The following DNAH3 variants were observed in gnomAD, a reference collection of about 807,000 sequenced individuals.
DNAH3 encodes dynein axonemal heavy chain 3, also known as axonemal beta dynein heavy chain 3.
DNAH3 carries 332 observed loss-of-function variants against 432.5 expected under a neutral mutation model. The ratio of observed to expected loss-of-function variants is 0.77; its 90% CI spans 0.70 to 0.84. DNAH3 has a LOEUF of 0.84. Among genes scored for constraint, DNAH3 ranks in the 40% least tolerant of loss-of-function variants. The probability of loss-of-function intolerance (pLI) is 0.00; values close to 1 mark genes in which losing one functional copy is unlikely to be tolerated. For synonymous variants in DNAH3, 1,956 were observed against 1,900.2 expected (o/e 1.03, Z -0.76); for missense variants, 4,861 against 5,114.0 (o/e 0.95, Z 1.51).
In DNAH3 at chr16:20,984,165, G is replaced by A. The variant is rs1039211818; in HGVS notation, c.7665+912C>T. 4.0e-5 allele frequency among the ~76,000 whole-genome samples: 6 copies of A among 150,768 alleles called. No homozygotes were observed. The South Asian group carries it at 1.3e-3, about 32-fold the overall frequency. ...GTAATTTTGGTCCTTATCCCAATGT[G>A]TGTGTGTGTGTGTGTATATGTGTGC... is the stretch of plus-strand genomic sequence containing the variant. On this transcript the variant is annotated intron_variant, in intron 48 of 61. Transcript: ENST00000261383.
At chr16:21,026,899 G>T (rs2088592829) in intron 38 of DNAH3, 128 bp downstream of exon 38, 1 of 641,802 alleles carries the variant, frequency 1.6e-6, no homozygotes, top group Non-Finnish European at 2.7e-6. Context: ...AAATTGGAAA[G>T]AAAAATAATA....
At chr16:21,110,208 C>T (rs1259249540) in intron 14 of DNAH3, among the ~76,000 whole-genome samples, 1 of 152,198 alleles carries the variant, frequency 6.6e-6, no homozygotes, top group Non-Finnish European at 1.5e-5. Flanking sequence ...GTAACAACAC[C>T]TATGTATTAT....
chr16:20,940,883 C>A (rs2083780142), intron 59 of DNAH3, among the ~76,000 whole-genome samples: 1 of 152,084 alleles, frequency 6.6e-6, no homozygotes, highest in Non-Finnish European at 1.5e-5. Context: ...TGCTTGAGGC[C>A]AGGAGTTCAA....
intron 52 of DNAH3, among the ~76,000 whole-genome samples, chr16:20,969,086 CTGTGTGTGTGTGTG>C (rs56928155): frequency 8.9e-5 from 13 of 146,464 alleles, no homozygotes; most frequent in South Asian, 8.8e-4. Flanking sequence ...TTTTCTTTCT[CTGTGTGTGTGTGTG>C]TGTGTGTGTG....
intron 37 of DNAH3, among the ~76,000 whole-genome samples, chr16:21,028,609 G>A (rs552146411): frequency 6.6e-6 from 1 of 150,858 alleles, no homozygotes; most frequent in East Asian, 1.9e-4. Flanking sequence ...AGCTGAGATC[G>A]TGCCACTGCA....
chr16:21,145,467 T>A, intron 2 of DNAH3, 61 bp from the exon 4 acceptor site: 1 of 1,441,942 alleles, frequency 6.9e-7, no homozygotes, highest in Non-Finnish European at 9.7e-7. Flanking sequence ...GAGCCTGAGC[T>A]CTGCTCACAC....
intron 41 of DNAH3, among the ~76,000 whole-genome samples, chr16:21,014,552 G>A (rs2087768992): frequency 6.6e-6 from 1 of 152,150 alleles, no homozygotes; most frequent in Non-Finnish European, 1.5e-5. Flanking sequence ...AGCAAGATAA[G>A]GAAGCCCTTT....
intron 44 of DNAH3, among the ~76,000 whole-genome samples, chr16:20,994,952 T>A (rs1486790585): frequency 6.6e-6 from 1 of 151,954 alleles, no homozygotes; most frequent in Non-Finnish European, 1.5e-5. Context: ...TTTTCTTCTC[T>A]TTTTTTTAGA....
chr16:21,009,071 C>G (rs1399405922), intron 41 of DNAH3, among the ~76,000 whole-genome samples: 2 of 152,108 alleles, frequency 1.3e-5, no homozygotes, highest in African/African-American at 4.8e-5. Context: ...GTCAGAAATC[C>G]CATTTCTGGG....
At chr16:21,117,481 C>A in intron 11 of DNAH3, 142 bp from the exon 12 acceptor site, 1 of 652,548 alleles carries the variant, frequency 1.5e-6, no homozygotes, top group Admixed American at 3.1e-5. Flanking sequence ...GTGCTGGAAT[C>A]ACCCTGCTGT....
At chr16:20,948,195 A>G (rs1349875226) in intron 57 of DNAH3, among the ~76,000 whole-genome samples, 2 of 151,796 alleles carry the variant, frequency 1.3e-5, no homozygotes, top group Admixed American at 1.3e-4. Context: ...AGCAATTTCC[A>G]TCTTGCTCAC....
At chr16:20,998,741 CAAAAAAAAAAA>C (rs57836728) in intron 43 of DNAH3, among the ~76,000 whole-genome samples, 1 of 78,248 alleles carries the variant, frequency 1.3e-5, no homozygotes, top group Middle Eastern at 8.6e-3. Flanking sequence ...GACTCCGTCT[CAAAAAAAAAAA>C]AAAAAAAAAA....
intron 33 of DNAH3, among the ~76,000 whole-genome samples, chr16:21,038,805 T>C: frequency 6.6e-6 from 1 of 152,190 alleles, no homozygotes. Context: ...GCAATCCTGG[T>C]TACTATAGAA....
rs1363193950 is a variant in DNAH3 at position 21,060,368 on chromosome 16, G to C, written c.3721-12C>G. 1 of 1,609,714 alleles carries C rather than the reference G, an allele frequency of 6.2e-7. No individual in the cohort carries two copies. Among genetic ancestry groups the C allele is most frequent in the African/African-American group, 1.3e-5 (1 of 74,924 alleles). ...TTTTCCACCATGCCCTATGGAGCAA[G>C]ACAGAGAGAGGGTGCAGCAGTCAAC... On this transcript the variant is annotated splice_polypyrimidine_tract_variant and intron_variant, in intron 25 of 61. Transcript: ENST00000261383.
At chr16:21,101,894 T>A (rs992846470) in intron 16 of DNAH3, among the ~76,000 whole-genome samples, 2 of 152,206 alleles carry the variant, frequency 1.3e-5, no homozygotes, top group Non-Finnish European at 2.9e-5. Flanking sequence ...AGATTGGGCA[T>A]CACCTTCCAG....
intron 1 of DNAH3, among the ~76,000 whole-genome samples, chr16:21,153,163 C>G (rs1040877270): frequency 6.6e-6 from 1 of 152,164 alleles, no homozygotes; most frequent in Non-Finnish European, 1.5e-5. Context: ...ATGCACCAAT[C>G]GACACTCTGT....
intron 31 of DNAH3, among the ~76,000 whole-genome samples, chr16:21,048,127 T>G (rs1405701004): frequency 6.6e-6 from 1 of 152,222 alleles, no homozygotes; most frequent in Non-Finnish European, 1.5e-5. Context: ...TGCTGTCTTT[T>G]TGTTTGTCTG....
intron 1 of DNAH3, among the ~76,000 whole-genome samples, chr16:21,157,072 G>A (rs1384640856): frequency 6.6e-6 from 1 of 151,808 alleles, no homozygotes; most frequent in Admixed American, 6.6e-5. Flanking sequence ...TGAACAAAGT[G>A]CATGACGCCA....
At chr16:21,109,505 C>T (rs2092021396) in intron 14 of DNAH3, among the ~76,000 whole-genome samples, 1 of 152,102 alleles carries the variant, frequency 6.6e-6, no homozygotes, top group African/African-American at 2.4e-5. Context: ...TTTTGTAAAA[C>T]TTATAGTACT....
Sources: gnomAD v4.1 joint callset for allele counts (sites outside exome capture counted in the v4.1 genomes callset) on GRCh38, gnomAD v4.1.1 for gene constraint, MANE v1.5 for transcripts, NCBI Gene and HGNC (gene_info 2026-07-23, HGNC 2026-07-21) for gene names.